METTL25: variants seen among roughly 807,000 people sequenced by gnomAD.
METTL25 encodes the protein probable methyltransferase-like protein 25.
In METTL25, 64 loss-of-function variants were observed where a neutral mutation model predicts 71.6. The ratio of observed to expected loss-of-function variants is 0.89; its 90% CI spans 0.73 to 1.10. The LOEUF is 1.10. METTL25 is among the 50% of genes least tolerant of loss of function. The probability of loss-of-function intolerance (pLI) is 0.00; values close to 1 mark genes in which losing one functional copy is unlikely to be tolerated. For missense variants in METTL25, 807 were observed against 707.0 expected (o/e 1.14, Z -1.60); for synonymous variants, 287 against 250.3 (o/e 1.15, Z -1.38).
chr12:82,449,987 T>C (rs1452257261), intron 8 of METTL25, among the ~76,000 whole-genome samples: 2 of 152,142 alleles, frequency 1.3e-5, no homozygotes, highest in African/African-American at 4.8e-5. Context: ...TGTTGTTAAA[T>C]TGCGTGATCC....
intron 1 of METTL25, among the ~76,000 whole-genome samples, chr12:82,360,246 C>T (rs1183514583): frequency 6.6e-6 from 1 of 152,096 alleles, no homozygotes; most frequent in Non-Finnish European, 1.5e-5. Flanking sequence ...CTTACATATT[C>T]TAATAATAAT....
intron 8 of METTL25, among the ~76,000 whole-genome samples, chr12:82,445,035 A>T (rs1890640364): frequency 6.6e-6 from 1 of 152,136 alleles, no homozygotes; most frequent in African/African-American, 2.4e-5. Context: ...GAAAAACTTG[A>T]GAGAAACGAC....
chr12:82,365,830 C>G (rs1000633560), intron 1 of METTL25, among the ~76,000 whole-genome samples: 4 of 152,178 alleles, frequency 2.6e-5, no homozygotes, highest in Non-Finnish European at 5.9e-5. Flanking sequence ...CGCCTGCAAT[C>G]CCAGCACTTT....
chr12:82,425,713 T>C (rs1888959371), intron 5 of METTL25, among the ~76,000 whole-genome samples: 2 of 152,068 alleles, frequency 1.3e-5, no homozygotes, highest in South Asian at 4.1e-4. Flanking sequence ...GAGTAGGTAT[T>C]GCATTACCAA....
chr12:82,403,210 G>GT (rs1886798429), intron 5 of METTL25, 80 bp downstream of exon 5: 1 of 1,376,876 alleles, frequency 7.3e-7, no homozygotes. Context: ...ATTTCTCCCC[G>GT]TTTTTTCGTC....
At chr12:82,405,099 T>A (rs1026326528) in intron 5 of METTL25, among the ~76,000 whole-genome samples, 12 of 152,168 alleles carry the variant, frequency 7.9e-5, no homozygotes, top group Admixed American at 7.9e-4. Context: ...CACGCAGTGC[T>A]TTCTTAAGAC....
chr12:82,465,888 A>ATAGC (rs1293488242), intron 9 of METTL25, among the ~76,000 whole-genome samples: 1 of 151,298 alleles, frequency 6.6e-6, no homozygotes, highest in Non-Finnish European at 1.5e-5. Context: ...TTTTTGGTGT[A>ATAGC]TAGCTGTTCA....
At chr12:82,409,607 T>G (rs1887392190) in intron 5 of METTL25, among the ~76,000 whole-genome samples, 1 of 152,030 alleles carries the variant, frequency 6.6e-6, no homozygotes, top group Non-Finnish European at 1.5e-5. Context: ...CTTGCCAGGG[T>G]GCAAATTTGT....
chr12:82,379,954 C>A (rs1219863333), intron 1 of METTL25, among the ~76,000 whole-genome samples: 5 of 152,128 alleles, frequency 3.3e-5, no homozygotes, highest in African/African-American at 4.8e-5. Flanking sequence ...GCATATTGAT[C>A]TTTCAGTTTC....
chr12:82,442,541 A>G (rs534316749), intron 8 of METTL25, among the ~76,000 whole-genome samples: 2 of 152,200 alleles, frequency 1.3e-5, no homozygotes, highest in Non-Finnish European at 2.9e-5. Context: ...TTATAGAATG[A>G]CAAGGTATTA....
rs185072017 is a variant in METTL25 at position 82,395,913 on chromosome 12, G to A, written c.532-2882G>A. On this transcript the variant is annotated intron_variant, in intron 3 of 11. Transcript: ENST00000248306. ...TTTCTACTATATAGCCCTTGCATGAGTATGATATGGTATCTGCAGTTAGAC... is the reference window on the plus strand; with the variant it reads ...TTTCTACTATATAGCCCTTGCATGAATATGATATGGTATCTGCAGTTAGAC... Among the ~76,000 whole-genome samples the A allele has an allele frequency of 9.8e-4, 149 of 152,194 alleles. 3 individuals are homozygous for A. Among genetic ancestry groups the A allele is most frequent in the Admixed American group, 9.1e-3 (139 of 15,248 alleles).
intron 8 of METTL25, among the ~76,000 whole-genome samples, chr12:82,452,299 G>C (rs769035181): frequency 6.6e-6 from 1 of 152,058 alleles, no homozygotes; most frequent in Non-Finnish European, 1.5e-5. Context: ...TCTGTTTAAA[G>C]ATTCTTTGGC....
chr12:82,413,646 T>C (rs1327836613), intron 5 of METTL25, among the ~76,000 whole-genome samples: 14 of 152,074 alleles, frequency 9.2e-5, no homozygotes, highest in Admixed American at 6.6e-4. Context: ...TTAAATTAGA[T>C]GATCTGTCTC....
intron 5 of METTL25, among the ~76,000 whole-genome samples, chr12:82,424,797 A>G (rs1888864345): frequency 6.6e-6 from 1 of 152,050 alleles, no homozygotes; most frequent in Non-Finnish European, 1.5e-5. Context: ...AGGAGAGTGC[A>G]CACAGAGAGA....
Position 82,456,832 on chromosome 12 carries a change from A to T in METTL25, c.1572+12A>T, listed in dbSNP as rs1279092931. 2 of 1,252,386 alleles carry T rather than the reference A, an allele frequency of 1.6e-6. No homozygotes were observed. The highest frequency in any genetic ancestry group is 2.5e-5 in the East Asian group (1 of 39,250). The allele number at this position is 1,252,386 out of a possible 1,614,324, so 77.6% of individuals were successfully genotyped here. On this transcript the variant is annotated intron_variant, in intron 9 of 11. Transcript: ENST00000248306. ...TAGATGAGTCCAAGGTCAGTATATG[A>T]TGACTCATTATTTTCAGAAAAGACA...
intron 1 of METTL25, among the ~76,000 whole-genome samples, chr12:82,380,427 A>G (rs958606810): frequency 9.5e-4 from 20 of 21,122 alleles, no homozygotes; most frequent in Admixed American, 5.4e-3. Context: ...TTATATATGT[A>G]TGTGTATGTA....
intron 9 of METTL25, among the ~76,000 whole-genome samples, chr12:82,472,462 G>T (rs1432967198): frequency 6.6e-6 from 1 of 152,132 alleles, no homozygotes; most frequent in Admixed American, 6.5e-5. Flanking sequence ...GCCAGGCGTG[G>T]TGGCGGGTGC....
At chr12:82,363,023 A>C (rs1319913686) in intron 1 of METTL25, among the ~76,000 whole-genome samples, 1 of 152,174 alleles carries the variant, frequency 6.6e-6, no homozygotes, top group Non-Finnish European at 1.5e-5. Flanking sequence ...CTAGCAGTGG[A>C]ATACCACATC....
rs143662533 is a variant in METTL25 at position 82,402,011 on chromosome 12, A to T, written c.1132-972A>T. Among the ~76,000 whole-genome samples, 93 of 152,150 alleles carry T rather than the reference A, an allele frequency of 6.1e-4. 1 individual carries two copies. The East Asian group carries it at 0.015, about 25-fold the overall frequency. On this transcript the variant is annotated intron_variant, in intron 4 of 11. Coordinates refer to ENST00000248306, the MANE Select transcript of METTL25 (RefSeq NM_032230.3). ...AATTTTTATGAGTCATGTCAAAGACAGAAGAGTATTATTAGTAAATTCAAC... is the reference window on the plus strand; with the variant it reads ...AATTTTTATGAGTCATGTCAAAGACTGAAGAGTATTATTAGTAAATTCAAC...
Sources: allele counts gnomAD v4.1 joint callset (sites outside exome capture counted in the v4.1 genomes callset), GRCh38; gene constraint gnomAD v4.1.1; transcripts MANE v1.5; gene names NCBI Gene and HGNC (gene_info 2026-07-23, HGNC 2026-07-21).